Variants in NOSTRIN observed in about 807,000 individuals in gnomAD.
NOSTRIN encodes BM247 homolog.
In NOSTRIN, 63 loss-of-function variants were observed where a neutral mutation model predicts 59.0. The ratio of observed to expected loss-of-function variants is 1.07; its 90% CI spans 0.87 to 1.32. NOSTRIN has a LOEUF of 1.32. Ranked by LOEUF, NOSTRIN falls within the 40% of genes most tolerant of loss-of-function variation. NOSTRIN has a pLI of 0.00. For synonymous variants in NOSTRIN, 200 were observed against 165.4 expected, an observed-to-expected ratio of 1.21 and a Z score of -1.61; for missense variants, 512 against 473.1, an observed-to-expected ratio of 1.08 and a Z score of -0.76.
intron 2 of NOSTRIN, among the ~76,000 whole-genome samples, chr2:168,816,846 A>G (rs112824275): frequency 4.3e-4 from 65 of 152,340 alleles, no homozygotes; most frequent in African/African-American, 1.6e-3. Flanking sequence ...ATGCTCACTG[A>G]GTAAATGAAG....
chr2:168,851,236 AC>A, intron 9 of NOSTRIN, 42 bp from the exon 10 acceptor site: 1 of 1,613,914 alleles, frequency 6.2e-7, no homozygotes, highest in Non-Finnish European at 8.5e-7. Flanking sequence ...AGGGGCAGAA[AC>A]CTTTCTTCGA....
At chr2:168,830,147 C>A (rs897023999) in intron 5 of NOSTRIN, among the ~76,000 whole-genome samples, 1 of 152,068 alleles carries the variant, frequency 6.6e-6, no homozygotes, top group Non-Finnish European at 1.5e-5. Flanking sequence ...GTCTATATTT[C>A]GTTGATTACA....
chr2:168,825,806 G>T (rs35231741), intron 3 of NOSTRIN, among the ~76,000 whole-genome samples: 22 of 152,154 alleles, frequency 1.4e-4, no homozygotes, highest in Non-Finnish European at 2.8e-4. Flanking sequence ...GATGATGAAA[G>T]AGATAAGAAG....
At chr2:168,834,372 G>A in intron 7 of NOSTRIN, 47 bp downstream of exon 7, 1 of 850,570 alleles carries the variant, frequency 1.2e-6, no homozygotes, top group Admixed American at 1.7e-5. Flanking sequence ...GAGAGGGATG[G>A]ACTTGCTGCC....
intron 10 of NOSTRIN, among the ~76,000 whole-genome samples, chr2:168,852,118 A>C (rs558062943): frequency 5.9e-5 from 9 of 152,316 alleles, no homozygotes; most frequent in African/African-American, 1.9e-4. Flanking sequence ...TAATCTCAGA[A>C]GTGACATCTC....
chr2:168,798,607 G>A (rs1298094779), upstream of NOSTRIN, among the ~76,000 whole-genome samples: 2 of 152,152 alleles, frequency 1.3e-5, no homozygotes, highest in African/African-American at 2.4e-5. Context: ...AAAGAAAGCA[G>A]GAAGATTAGG....
chr2:168,813,226 C>G (rs1455325060), intron 2 of NOSTRIN, among the ~76,000 whole-genome samples: 4 of 152,192 alleles, frequency 2.6e-5, no homozygotes, highest in Non-Finnish European at 5.9e-5. Context: ...CTTCTGCCTG[C>G]AGAGCAGGAA....
intron 7 of NOSTRIN, among the ~76,000 whole-genome samples, chr2:168,834,541 A>ACACACACACACACACACACC (rs58702721): frequency 7.8e-4 from 109 of 140,356 alleles, no homozygotes; most frequent in African/African-American, 1.1e-3. Context: ...ACACACACAC[A>ACACACACACACACACACACC]CCACATACAT....
chr2:168,799,690 A>T (rs1173116141), upstream of NOSTRIN, among the ~76,000 whole-genome samples: 1 of 152,048 alleles, frequency 6.6e-6, no homozygotes, highest in Non-Finnish European at 1.5e-5. Context: ...AGGTCCTCTT[A>T]TTTCTCTTCC....
At position 168,851,088 on chromosome 2, in the gene NOSTRIN, T is replaced by G. The variant is rs1356594334; in HGVS notation, c.635T>G (p.Ile212Ser). ...CCCAATTTTCATTCTTTTCAGAGCA[T>G]TCTGGAGCTGGAGAAGGAAAGAATT... ...ENTLENCYQS[I>S]LELEKERIQL... Residue 212 changes from isoleucine to serine, a missense_variant, in exon 9 of 16, where the codon ATT becomes AGT. Physicochemically the swap from Ile to Ser is moderately radical, Grantham distance 142. Coordinates refer to ENST00000317647, the MANE Select transcript of NOSTRIN (RefSeq NM_001039724.4). 7.3e-6 allele frequency: 11 copies of G among 1,499,034 alleles called. No individual in the cohort carries two copies. The highest frequency in any genetic ancestry group is 9.3e-6 in the Non-Finnish European group (10 of 1,074,874). The allele number at this position is 1,499,034 out of a possible 1,614,324, so 92.9% of individuals were successfully genotyped here. A position where few individuals can be genotyped will look rare whatever the true frequency, so the allele number is the denominator to read the frequency against.
At chr2:168,794,763 T>C (rs1030015201), upstream of NOSTRIN, among the ~76,000 whole-genome samples, 2 of 152,090 alleles carry the variant, frequency 1.3e-5, no homozygotes, top group African/African-American at 4.8e-5. Context: ...AATTAACATA[T>C]ACTTTTTAAA....
At position 168,861,932 on chromosome 2, in the gene NOSTRIN, A is replaced by G. The variant is rs770979192; in HGVS notation, c.1295-28A>G. ...ATATTCATTTGCCTGCTAACACAGC[A>G]TACTAATTACAGCTTTATCTATTTC... is the stretch of plus-strand genomic sequence containing the variant. On this transcript the variant is annotated intron_variant, in intron 14 of 15. Transcript: ENST00000317647. 6.6e-5 allele frequency: 106 copies of G among 1,604,636 alleles called. 1 individual carries two copies. Among genetic ancestry groups the G allele is most frequent in the African/African-American group, 1.3e-4 (10 of 74,768 alleles).
chr2:168,800,111 A>G (rs570270149), upstream of NOSTRIN, among the ~76,000 whole-genome samples: 73 of 152,338 alleles, frequency 4.8e-4, no homozygotes, highest in Middle Eastern at 3.4e-3. Flanking sequence ...TTAGACTACC[A>G]GCTGATGAAA....
intron 5 of NOSTRIN, among the ~76,000 whole-genome samples, chr2:168,829,381 C>T (rs950246578): frequency 3.3e-5 from 5 of 151,276 alleles, no homozygotes; most frequent in Admixed American, 6.6e-5. Context: ...AGTGCAATGG[C>T]GTCATCTTGG....
intron 8 of NOSTRIN, among the ~76,000 whole-genome samples, chr2:168,845,825 A>G (rs1450480924): frequency 7.3e-6 from 1 of 137,218 alleles, no homozygotes; most frequent in Non-Finnish European, 1.5e-5. Context: ...TCCAAGTCAC[A>G]TGGAATATCT....
In NOSTRIN at chr2:168,851,159, C is replaced by G; in HGVS notation, c.706C>G (p.Leu236Val). The change falls in exon 9 of 16, where the codon CTT becomes GTT. Residue 236 changes from leucine (L) to valine (V), a missense_variant. By Grantham distance (32) the Leu-to-Val change is conservative. Transcript: ENST00000317647. ...AAACCAGTACAGCCAACATATTTCT[C>G]TTTTTGGCCAAACCCTGACCACAGT... is the stretch of plus-strand genomic sequence containing the variant. ...NLNQYSQHISLFGQTLTTCHT... is the reference protein window; with the variant it reads ...NLNQYSQHISVFGQTLTTCHT... 3.1e-6 allele frequency: 5 copies of G among 1,613,292 alleles called. No individual in the cohort carries two copies. The highest frequency in any genetic ancestry group is 4.2e-6 in the Non-Finnish European group (5 of 1,179,188).
chr2:168,830,027 A>G (rs1687278622), intron 5 of NOSTRIN, among the ~76,000 whole-genome samples: 1 of 152,234 alleles, frequency 6.6e-6, no homozygotes, highest in African/African-American at 2.4e-5. Context: ...TTTTACCAGA[A>G]TGGATGCTCT....
intron 2 of NOSTRIN, among the ~76,000 whole-genome samples, chr2:168,818,460 C>T (rs1686540738): frequency 6.6e-6 from 1 of 152,158 alleles, no homozygotes; most frequent in Admixed American, 6.5e-5. Context: ...CTGGCCTTAA[C>T]TCCATTTTAA....
chr2:168,853,719 A>C (rs185296070), intron 10 of NOSTRIN, among the ~76,000 whole-genome samples: 75 of 152,326 alleles, frequency 4.9e-4, no homozygotes, highest in Non-Finnish European at 5.3e-4. Context: ...GTGTGATGTC[A>C]GCTTGCGCCT....
Sources: gnomAD v4.1 joint callset for allele counts (sites outside exome capture counted in the v4.1 genomes callset) on GRCh38, gnomAD v4.1.1 for gene constraint, MANE v1.5 for transcripts, NCBI Gene and HGNC (gene_info 2026-07-23, HGNC 2026-07-21) for gene names.